Variants in NUP210L observed in about 807,000 individuals in gnomAD.
NUP210L encodes the protein nuclear pore membrane glycoprotein 210-like.
In NUP210L, 74 loss-of-function variants were observed where a neutral mutation model predicts 208.5. That is an observed-to-expected ratio of 0.35 (90% CI 0.29 to 0.43). NUP210L has a LOEUF of 0.43. NUP210L is among the 20% of genes least tolerant of loss of function. The pLI, the probability that NUP210L is intolerant of heterozygous loss-of-function variation, is 1.00. For synonymous variants in NUP210L, 780 were observed against 816.9 expected, an observed-to-expected ratio of 0.95 and a Z score of 0.77; for missense variants, 1,843 against 2,289.4, an observed-to-expected ratio of 0.81 and a Z score of 3.98.
At chr1:154,024,926 T>TG (rs1651776661) in intron 30 of NUP210L, among the ~76,000 whole-genome samples, 1 of 136,588 alleles carries the variant, frequency 7.3e-6, no homozygotes, top group Non-Finnish European at 1.6e-5. Context: ...TGATCTGTTT[T>TG]TTTTTTTTTT....
At chr1:154,017,208 GA>G (rs2147919646) in intron 33 of NUP210L, among the ~76,000 whole-genome samples, 1 of 151,728 alleles carries the variant, frequency 6.6e-6, no homozygotes, top group East Asian at 2.0e-4. Flanking sequence ...TTGAACTCAG[GA>G]GGCAGATGTT....
At chr1:154,150,094 G>C (rs575075248) in intron 2 of NUP210L, among the ~76,000 whole-genome samples, 1 of 152,198 alleles carries the variant, frequency 6.6e-6, no homozygotes, top group Non-Finnish European at 1.5e-5. Flanking sequence ...GCGGGGCAAG[G>C]CCAGGTGTGG....
At chr1:154,048,409 G>A (rs369919952) in intron 25 of NUP210L, among the ~76,000 whole-genome samples, 1 of 152,178 alleles carries the variant, frequency 6.6e-6, no homozygotes, top group Non-Finnish European at 1.5e-5. Flanking sequence ...CTATGTTTGA[G>A]CTTTTTCCTT....
At chr1:154,003,915 C>T (rs936115690) in intron 35 of NUP210L, among the ~76,000 whole-genome samples, 1 of 152,066 alleles carries the variant, frequency 6.6e-6, no homozygotes, top group Non-Finnish European at 1.5e-5. Flanking sequence ...GGTCTAGACC[C>T]TTATCAATGC....
Position 153,993,006 on chromosome 1 carries a change from C to CGT in NUP210L, c.5566+8_5566+9insAC, listed in dbSNP as rs775007566. 1.2e-6 allele frequency: 2 copies of CGT among 1,612,470 alleles called. No individual in the cohort carries two copies. The highest frequency in any genetic ancestry group is 4.5e-5 in the East Asian group (2 of 44,850). Reference sequence around the variant, plus strand: ...AGCTTTTCAAAGATGAGGACAGAGGCTTTTTTACCTGGCTGTGGTGTTCCT... The same window carrying CGT: ...AGCTTTTCAAAGATGAGGACAGAGGCGTTTTTTTACCTGGCTGTGGTGTTCCT... On this transcript the variant is annotated intron_variant, in intron 39 of 39. Coordinates refer to ENST00000368559, the Ensembl canonical transcript of NUP210L.
chr1:154,055,120 TTCTTTTCTTTCTTTC>T (rs1653748509), intron 23 of NUP210L, among the ~76,000 whole-genome samples: 2 of 131,980 alleles, frequency 1.5e-5, no homozygotes, highest in African/African-American at 6.8e-5. Flanking sequence ...TTCTCTTTCT[TTCTTTTCTTTCTTTC>T]TTTCTTTCTT....
intron 4 of NUP210L, among the ~76,000 whole-genome samples, chr1:154,140,641 T>G (rs1396720082): frequency 7.5e-6 from 1 of 133,826 alleles, no homozygotes; most frequent in Non-Finnish European, 1.7e-5. Context: ...CACTCCAGCC[T>G]GAGTGACAGA....
chr1:154,069,232 G>A (rs113254789), intron 17 of NUP210L, among the ~76,000 whole-genome samples: 41,607 of 151,936 alleles, frequency 0.27, 5,981 homozygotes, highest in Admixed American at 0.37. Context: ...TGCACAGCCA[G>A]AGAAACTACC....
chr1:154,140,222 G>A (rs1446898138), intron 4 of NUP210L, among the ~76,000 whole-genome samples: 2 of 151,784 alleles, frequency 1.3e-5, no homozygotes, highest in African/African-American at 4.8e-5. Flanking sequence ...GTGGTGGCAT[G>A]TGCCTGTAAT....
chr1:154,073,861 T>TAAATAAAA, intron 16 of NUP210L, among the ~76,000 whole-genome samples: 1 of 147,792 alleles, frequency 6.8e-6, no homozygotes, highest in Non-Finnish European at 1.5e-5. Flanking sequence ...AATAAATAAA[T>TAAATAAAA]TCAATGGTAT....
chr1:154,067,084 C>G (rs1305035220), intron 17 of NUP210L, among the ~76,000 whole-genome samples: 1 of 152,168 alleles, frequency 6.6e-6, no homozygotes, highest in Non-Finnish European at 1.5e-5. Flanking sequence ...TCCTCCCTAA[C>G]TCATTTTATG....
At chr1:154,008,650 G>A (rs538823640) in intron 35 of NUP210L, among the ~76,000 whole-genome samples, 3 of 152,290 alleles carry the variant, frequency 2.0e-5, no homozygotes, top group South Asian at 2.1e-4. Context: ...GAGGTGTAGT[G>A]AGCTGAAATC....
At chr1:154,032,221 G>C (rs1319933310) in intron 27 of NUP210L, among the ~76,000 whole-genome samples, 1 of 152,138 alleles carries the variant, frequency 6.6e-6, no homozygotes, top group Non-Finnish European at 1.5e-5. Context: ...TATATGTCTA[G>C]CAGTGGGATT....
At chr1:154,022,030 A>G (rs772031568) in intron 32 of NUP210L, 96 bp downstream of exon 32, 1 of 1,105,570 alleles carries the variant, frequency 9.0e-7, no homozygotes. Context: ...CCACTATACC[A>G]GTCCAAGGGA....
intron 10 of NUP210L, among the ~76,000 whole-genome samples, chr1:154,125,646 G>C (rs1300962979): frequency 1.1e-3 from 1 of 922 alleles, no homozygotes; most frequent in Non-Finnish European, 4.2e-3. Context: ...AGGAAGGAAG[G>C]AAGGAAGGAA....
chr1:154,075,211 G>A (rs1654971513), intron 16 of NUP210L, among the ~76,000 whole-genome samples: 1 of 152,116 alleles, frequency 6.6e-6, no homozygotes, highest in African/African-American at 2.4e-5. Flanking sequence ...CCCTTTCAGT[G>A]AACAGAGCTT....
intron 33 of NUP210L, among the ~76,000 whole-genome samples, chr1:154,018,023 G>A (rs1651357616): frequency 6.6e-6 from 1 of 151,530 alleles, no homozygotes. Context: ...CCAGGCTGGA[G>A]TACAGTGGCT....
At chr1:154,074,698 G>A (rs2148019501) in intron 16 of NUP210L, among the ~76,000 whole-genome samples, 1 of 152,202 alleles carries the variant, frequency 6.6e-6, no homozygotes, top group South Asian at 2.1e-4. Flanking sequence ...CACTATGTTG[G>A]CCAGGCTGGT....
At chr1:154,077,766 C>T (rs1439008362) in intron 16 of NUP210L, among the ~76,000 whole-genome samples, 2 of 151,760 alleles carry the variant, frequency 1.3e-5, no homozygotes, top group East Asian at 3.9e-4. Context: ...GGGTGGATCA[C>T]CTGAGGTCAG....
Sources: allele counts gnomAD v4.1 joint callset (sites outside exome capture counted in the v4.1 genomes callset), GRCh38; gene constraint gnomAD v4.1.1; transcripts MANE v1.5; gene names NCBI Gene and HGNC (gene_info 2026-07-23, HGNC 2026-07-21).